The following AGBL1 variants were observed in gnomAD, a reference collection of about 807,000 sequenced individuals.
The protein encoded by AGBL1 is AGBL carboxypeptidase 1.
A neutral mutation model predicts 118.9 loss-of-function variants in AGBL1; 130 were observed. That is an observed-to-expected ratio of 1.09 (90% CI 0.95 to 1.26). The LOEUF is 1.26. AGBL1 is among the 50% of genes most tolerant of loss of function. AGBL1 has a pLI of 0.00. For synonymous variants in AGBL1, 555 were observed against 478.9 expected (o/e 1.16, Z -2.08); for missense variants, 1,584 against 1,298.1 (o/e 1.22, Z -3.38).
intron 20 of AGBL1, among the ~76,000 whole-genome samples, chr15:86,547,928 A>C (rs1047825183): frequency 1.3e-5 from 2 of 152,178 alleles, no homozygotes; most frequent in Non-Finnish European, 2.9e-5. Context: ...CTGGCTTTCA[A>C]CCCAAACAGC....
At chr15:86,605,237 C>T (rs376904329) in intron 21 of AGBL1, among the ~76,000 whole-genome samples, 1 of 152,014 alleles carries the variant, frequency 6.6e-6, no homozygotes, top group South Asian at 2.1e-4. Context: ...TATCAACAAG[C>T]CTGTTCTTAA....
At chr15:86,962,594 A>G (rs755876721) in intron 23 of AGBL1, among the ~76,000 whole-genome samples, 34 of 152,218 alleles carry the variant, frequency 2.2e-4, no homozygotes, top group Non-Finnish European at 4.9e-4. Flanking sequence ...ACAATGATGC[A>G]GAGTAAATAA....
At chr15:86,696,973 A>C (rs1184680706) in intron 22 of AGBL1, among the ~76,000 whole-genome samples, 1 of 151,950 alleles carries the variant, frequency 6.6e-6, no homozygotes, top group Non-Finnish European at 1.5e-5. Context: ...ATTTGCTGTT[A>C]ATAAGATAGT....
chr15:86,395,999 CGT>C (rs2081354653), intron 17 of AGBL1, among the ~76,000 whole-genome samples: 1 of 151,418 alleles, frequency 6.6e-6, no homozygotes, highest in Non-Finnish European at 1.5e-5. Context: ...TTTGTCTTTC[CGT>C]GTGTGTCTTA....
chr15:86,768,008 C>T (rs2078120722), intron 22 of AGBL1, among the ~76,000 whole-genome samples: 1 of 152,002 alleles, frequency 6.6e-6, no homozygotes, highest in Non-Finnish European at 1.5e-5. Context: ...AAAGGGCCTT[C>T]TTAGATTGCT....
At chr15:86,305,190 A>G (rs1158051465) in intron 17 of AGBL1, 1 of 152,182 alleles carries the variant, frequency 6.6e-6, no homozygotes, top group Non-Finnish European at 1.5e-5. Context: ...AGGATATAAG[A>G]CGGTGCTAGC....
At chr15:86,203,126 G>T (rs2077934355) in intron 5 of AGBL1, among the ~76,000 whole-genome samples, 1 of 152,094 alleles carries the variant, frequency 6.6e-6, no homozygotes, top group Non-Finnish European at 1.5e-5. Context: ...TGATGATGAT[G>T]ATGATGATGC....
chr15:86,842,151 A>G (rs947591593), intron 22 of AGBL1, among the ~76,000 whole-genome samples: 2 of 152,052 alleles, frequency 1.3e-5, no homozygotes, highest in Non-Finnish European at 2.9e-5. Context: ...GCTAGTTCTC[A>G]TTGAGAGTGT....
chr15:86,693,523 T>C (rs1037324383), intron 22 of AGBL1, among the ~76,000 whole-genome samples: 3 of 152,148 alleles, frequency 2.0e-5, no homozygotes, highest in Non-Finnish European at 4.4e-5. Context: ...GATGTATAGA[T>C]TGTGAAGATA....
intron 22 of AGBL1, among the ~76,000 whole-genome samples, chr15:86,846,797 G>A (rs145861310): frequency 0.034 from 5,246 of 152,302 alleles, 124 homozygotes; most frequent in Middle Eastern, 0.082. Context: ...CTCCCAAAGT[G>A]CTGGGATTGC....
chr15:86,630,356 A>T (rs916277974), intron 21 of AGBL1: 23 of 152,214 alleles, frequency 1.5e-4, no homozygotes, highest in Admixed American at 4.6e-4. Flanking sequence ...TCACTGTACC[A>T]ACAGGGACAC....
At chr15:86,253,463 C>G (rs1209908144) in intron 7 of AGBL1, among the ~76,000 whole-genome samples, 1 of 152,030 alleles carries the variant, frequency 6.6e-6, no homozygotes, top group Non-Finnish European at 1.5e-5. Flanking sequence ...GTTGGCCAGG[C>G]TGGTCTCAAA....
chr15:86,849,521 T>TTTC (rs2079373425), intron 22 of AGBL1, among the ~76,000 whole-genome samples: 2 of 147,606 alleles, frequency 1.4e-5, no homozygotes, highest in African/African-American at 4.9e-5. Context: ...TTCTTTCTTT[T>TTTC]TTTTTTTTTT....
intron 24 of AGBL1, among the ~76,000 whole-genome samples, chr15:86,991,653 G>A (rs1035055850): frequency 4.6e-5 from 7 of 152,160 alleles, no homozygotes; most frequent in Non-Finnish European, 8.8e-5. Flanking sequence ...GAGCCTGGAT[G>A]TGAATATTGT....
chr15:86,277,753 G>T (rs1425662282), intron 15 of AGBL1, among the ~76,000 whole-genome samples: 2 of 152,196 alleles, frequency 1.3e-5, no homozygotes, highest in African/African-American at 2.4e-5. Context: ...TACAGGCTCT[G>T]TCTCCACCAT....
chr15:86,557,907 T>C (rs1029956015), intron 21 of AGBL1, among the ~76,000 whole-genome samples: 3 of 152,142 alleles, frequency 2.0e-5, no homozygotes, highest in East Asian at 1.9e-4. Flanking sequence ...GAAGAAATTA[T>C]TGTGGTCCAA....
At chr15:86,293,619 T>C (rs559640433) in intron 16 of AGBL1, among the ~76,000 whole-genome samples, 1 of 152,184 alleles carries the variant, frequency 6.6e-6, no homozygotes, top group Admixed American at 6.5e-5. Flanking sequence ...ATGTGAGGTA[T>C]CCTACCAAAG....
chr15:86,196,872 C>T (rs776918818), intron 5 of AGBL1, among the ~76,000 whole-genome samples: 15 of 92,514 alleles, frequency 1.6e-4, no homozygotes, highest in Admixed American at 3.6e-4. Flanking sequence ...CACATGTGCG[C>T]GCGCGCGCAC....
intron 17 of AGBL1, among the ~76,000 whole-genome samples, chr15:86,302,312 G>T (rs916413504): frequency 6.6e-6 from 1 of 152,092 alleles, no homozygotes; most frequent in African/African-American, 2.4e-5. Context: ...AATTAAGAAA[G>T]ACAGTAATTA....
Sources: allele counts gnomAD v4.1 joint callset (sites outside exome capture counted in the v4.1 genomes callset), GRCh38; gene constraint gnomAD v4.1.1; transcripts MANE v1.5; gene names NCBI Gene and HGNC (gene_info 2026-07-23, HGNC 2026-07-21).